BAIAP2: variants seen among roughly 807,000 people sequenced by gnomAD.
BAIAP2 encodes BAR/IMD domain containing adaptor protein 2, also known as BAR/IMD domain-containing adapter protein 2.
Under a neutral mutation model 63.0 loss-of-function variants are expected in BAIAP2, and 18 were observed. That is an observed-to-expected ratio of 0.29 (90% CI 0.20 to 0.42). The LOEUF is 0.42. Among genes scored for constraint, BAIAP2 ranks in the 10% least tolerant of loss-of-function variants. BAIAP2 has a pLI of 1.00. For missense variants in BAIAP2, 610 were observed against 734.3 expected (o/e 0.83, Z 1.96); for synonymous variants, 386 against 307.6 (o/e 1.25, Z -2.67).
At chr17:81,108,599 C>T (rs908443867) in intron 13 of BAIAP2, 90 bp downstream of exon 13, 11 of 1,529,144 alleles carry the variant, frequency 7.2e-6, no homozygotes, top group African/African-American at 1.4e-5. Flanking sequence ...CCTGGGGCCA[C>T]CTCTTTTCCT....
In BAIAP2 at chr17:81,045,877, C is replaced by T. The variant is rs139710532; in HGVS notation, c.55-7791C>T. ...AGCCTAGTGGCCCCTCCTGACCCCC[C>T]GGGGAAGGGTGGGGGACCAGCCCCC... is the stretch of plus-strand genomic sequence containing the variant. On this transcript the variant is annotated intron_variant, in intron 1 of 13. Transcript: ENST00000428708. 3.6e-3 allele frequency among the ~76,000 whole-genome samples: 541 copies of T among 152,294 alleles called. 4 individuals carry two copies. The highest frequency in any genetic ancestry group is 0.012 in the African/African-American group (516 of 41,556).
intron 6 of BAIAP2, among the ~76,000 whole-genome samples, chr17:81,099,429 G>GGGCTGAGATGGCTGAGAT (rs111354722): frequency 4.6e-5 from 7 of 151,664 alleles, no homozygotes; most frequent in African/African-American, 7.3e-5. Flanking sequence ...TTTCGTGCTG[G>GGGCTGAGATGGCTGAGAT]GGCTGAGATG....
intron 1 of BAIAP2, among the ~76,000 whole-genome samples, chr17:81,052,056 G>A (rs897797843): frequency 2.0e-5 from 3 of 152,134 alleles, no homozygotes; most frequent in Admixed American, 2.0e-4. Context: ...TCATGCAGCC[G>A]GGCCTCAGGG....
chr17:81,085,087 G>T, intron 4 of BAIAP2, 194 bp downstream of exon 4: 1 of 614,682 alleles, frequency 1.6e-6, no homozygotes, highest in South Asian at 1.9e-5. Flanking sequence ...AGGCCAGACC[G>T]CGGCCGCATG....
intron 6 of BAIAP2, chr17:81,098,221 C>T (rs1030371330): frequency 3.0e-6 from 4 of 1,312,500 alleles, no homozygotes; most frequent in Non-Finnish European, 3.9e-6. Context: ...AGCCCTGCAC[C>T]CATGGGCAGG....
At chr17:81,055,811 C>G (rs567359742) in intron 2 of BAIAP2, among the ~76,000 whole-genome samples, 1 of 151,980 alleles carries the variant, frequency 6.6e-6, no homozygotes, top group African/African-American at 2.4e-5. Flanking sequence ...GTGATCCGCC[C>G]GCCTCAGCCT....
chr17:81,069,926 G>A (rs966720955), intron 3 of BAIAP2, among the ~76,000 whole-genome samples: 3 of 152,050 alleles, frequency 2.0e-5, no homozygotes, highest in Non-Finnish European at 4.4e-5. Flanking sequence ...AAGATTGGAG[G>A]GTTTTTTGTT....
At chr17:81,113,425 CTT>C (rs1401771977) in intron 13 of BAIAP2, among the ~76,000 whole-genome samples, 2 of 152,252 alleles carry the variant, frequency 1.3e-5, no homozygotes, top group Non-Finnish European at 2.9e-5. Context: ...GGGCTGCAGA[CTT>C]TGTCATATTC....
chr17:81,099,834 G>A (rs996475389), intron 6 of BAIAP2, 94 bp from the exon 7 acceptor site: 12 of 1,396,022 alleles, frequency 8.6e-6, no homozygotes, highest in Middle Eastern at 1.9e-4. Context: ...TGAATGAGAC[G>A]TGTCCTTTGA....
chr17:81,105,924 G>A (rs759066921), intron 10 of BAIAP2, 154 bp from the exon 11 acceptor site: 15 of 641,060 alleles, frequency 2.3e-5, no homozygotes, highest in African/African-American at 5.5e-5. Flanking sequence ...AGCGGGCTGC[G>A]GTCTTTGTCT....
chr17:81,076,499 A>G (rs890379582), intron 3 of BAIAP2: 2 of 152,170 alleles, frequency 1.3e-5, no homozygotes, highest in Non-Finnish European at 2.9e-5. Flanking sequence ...AGGCGAGAAT[A>G]CCTCCAGAAC....
intron 6 of BAIAP2, among the ~76,000 whole-genome samples, chr17:81,089,597 C>T (rs1008660861): frequency 9.9e-5 from 6 of 60,460 alleles, no homozygotes; most frequent in Admixed American, 6.6e-4. Flanking sequence ...CTGCCACAGT[C>T]GTCACAAAGC....
chr17:81,066,505 G>A (rs1217650067), intron 3 of BAIAP2, among the ~76,000 whole-genome samples: 1 of 152,202 alleles, frequency 6.6e-6, no homozygotes, highest in Non-Finnish European at 1.5e-5. Flanking sequence ...TGGGGCCTGG[G>A]GCCCCCACAG....
chr17:81,108,542 G>C, intron 13 of BAIAP2, 33 bp downstream of exon 13: 1 of 1,613,496 alleles, frequency 6.2e-7, no homozygotes, highest in Non-Finnish European at 8.5e-7. Flanking sequence ...CTTTGGGACC[G>C]TGGGTGGGTG....
chr17:81,086,746 C>A (rs1568141192), intron 6 of BAIAP2, among the ~76,000 whole-genome samples, 166 bp downstream of exon 6: 1 of 152,232 alleles, frequency 6.6e-6, no homozygotes, highest in South Asian at 2.1e-4. Flanking sequence ...CTGACGCCCC[C>A]AGGCCGGTGG....
rs576413064 is a variant in BAIAP2 at position 81,084,220 on chromosome 17, G to A, written c.218-612G>A. 4.6e-5 allele frequency among the ~76,000 whole-genome samples: 7 copies of A among 152,326 alleles called. No individual in the cohort carries two copies. The East Asian group carries it at 1.4e-3, about 29-fold the overall frequency. On this transcript the variant is annotated intron_variant, in intron 3 of 13. Transcript: ENST00000428708. Reference sequence around the variant, plus strand: ...CAGCGTGCACCAGGGTGGCTGCCTGGTGAGCCTATCCCATGGGGCCAGGTC... The same window carrying A: ...CAGCGTGCACCAGGGTGGCTGCCTGATGAGCCTATCCCATGGGGCCAGGTC...
intron 6 of BAIAP2, among the ~76,000 whole-genome samples, chr17:81,089,419 T>C (rs1237297946): frequency 1.3e-5 from 2 of 152,206 alleles, no homozygotes; most frequent in East Asian, 1.9e-4. Flanking sequence ...TGGTCCACGG[T>C]CTGGGCAAGG....
intron 3 of BAIAP2, among the ~76,000 whole-genome samples, chr17:81,080,048 A>G (rs927072714): frequency 1.5e-4 from 23 of 152,212 alleles, no homozygotes; most frequent in Non-Finnish European, 3.2e-4. Flanking sequence ...AGGCCCCTGA[A>G]GGACACAGGC....
chr17:81,107,408 C>G (rs558664542), intron 12 of BAIAP2: 1 of 154,026 alleles, frequency 6.5e-6, no homozygotes, highest in East Asian at 1.9e-4. Flanking sequence ...CATCTGGTGC[C>G]GGGAGGCCAG....
Sources: gnomAD v4.1 joint callset for allele counts (sites outside exome capture counted in the v4.1 genomes callset) on GRCh38, gnomAD v4.1.1 for gene constraint, MANE v1.5 for transcripts, NCBI Gene and HGNC (gene_info 2026-07-23, HGNC 2026-07-21) for gene names.